Variants in PIK3C2B observed in about 807,000 individuals in gnomAD.
PIK3C2B encodes the protein phosphatidylinositol-4-phosphate 3-kinase catalytic subunit type 2 beta.
A neutral mutation model predicts 184.3 loss-of-function variants in PIK3C2B; 83 were observed. The observed-to-expected ratio is 0.45, with a 90% CI of 0.38 to 0.54. PIK3C2B has a LOEUF of 0.54. Among genes scored for constraint, PIK3C2B ranks in the 20% least tolerant of loss-of-function variants. PIK3C2B has a pLI of 0.00. For missense variants in PIK3C2B, 1,736 were observed against 2,113.5 expected, an observed-to-expected ratio of 0.82 and a Z score of 3.50; for synonymous variants, 779 against 837.6, an observed-to-expected ratio of 0.93 and a Z score of 1.21.
rs757931496 is a variant in PIK3C2B at position 204,431,778 on chromosome 1, C to T, written c.4171G>A (p.Val1391Met). 5.0e-6 allele frequency: 8 copies of T among 1,614,080 alleles called. No individual in the cohort carries two copies. Among genetic ancestry groups the T allele is most frequent in the African/African-American group, 1.3e-5 (1 of 74,916 alleles). Residue 1391 changes from valine (V) to methionine (M), a missense_variant, in exon 28 of 33, where the codon GTG (valine) becomes ATG (methionine). Physicochemically the swap from Val to Met is conservative, Grantham distance 21. Coordinates refer to ENST00000684373, the MANE Select transcript of PIK3C2B (RefSeq NM_001377334.1). ...GCCTCGTGAGTGTTCTCTCGCATCA[C>T]CTTTACCACATATATCTGCAAAGGT... ...PNKGYIYVVK[V>M]MRENTHEATY... is the part of the protein sequence containing the mutation.
At chr1:204,486,473 G>GT (rs1361875676) in intron 1 of PIK3C2B, among the ~76,000 whole-genome samples, 1 of 151,788 alleles carries the variant, frequency 6.6e-6, no homozygotes, top group Non-Finnish European at 1.5e-5. Flanking sequence ...GCTCATGCCT[G>GT]TAATTCCAGC....
intron 30 of PIK3C2B, 151 bp from the exon 31 acceptor site, chr1:204,427,905 A>G: frequency 3.0e-6 from 2 of 658,634 alleles, no homozygotes; most frequent in African/African-American, 1.8e-5. Flanking sequence ...ATTAGAGTTA[A>G]TTGGGTTGGG....
intron 2 of PIK3C2B, among the ~76,000 whole-genome samples, chr1:204,465,710 C>T (rs1245750924): frequency 1.3e-5 from 2 of 152,214 alleles, no homozygotes; most frequent in Non-Finnish European, 2.9e-5. Flanking sequence ...TTTCCCAGCC[C>T]CTCTACTGAG....
At position 204,449,875 on chromosome 1, in the gene PIK3C2B, T is replaced by A. The variant is rs1654200476; in HGVS notation, c.2209A>T (p.Thr737Ser). The A allele has an allele frequency of 1.9e-6, 3 of 1,612,960 alleles. No homozygotes were observed. The East Asian group carries it at 6.7e-5, about 36-fold the overall frequency. Residue 737 changes from threonine (T) to serine (S), a missense_variant, in exon 13 of 33, where the codon ACT (threonine) becomes TCT (serine). Coordinates refer to ENST00000684373, the MANE Select transcript of PIK3C2B (RefSeq NM_001377334.1). ...TGCCTGAAGTTGAAGAGTGGGGTAG[T>A]GACCCAGCCCAGGGCTTCAGGCACC... ...RRVPEALGWV[T>S]TPLFNFRQVL...
At chr1:204,470,546 A>G (rs1656229844) in intron 1 of PIK3C2B, among the ~76,000 whole-genome samples, 1 of 152,216 alleles carries the variant, frequency 6.6e-6, no homozygotes, top group Non-Finnish European at 1.5e-5. Context: ...CAGCTCTCAT[A>G]CACTACTGGT....
Position 204,469,146 on chromosome 1 carries a change from C to T in PIK3C2B, c.657G>A (p.Gln219=), listed in dbSNP as rs925412456. 4.0e-5 allele frequency: 65 copies of T among 1,614,088 alleles called. No homozygotes were observed. Among genetic ancestry groups the T allele is most frequent in the Non-Finnish European group, 5.3e-5 (62 of 1,180,038 alleles). ...EEEEVLGGGG[Q]GRLLGSVDYD... ...AGTCCACAGACCCCAGTAGGCGCCC[C>T]TGACCCCCACCTCCCAGCACCTCTT... Residue 219 remains glutamine (Q), a synonymous_variant, in exon 2 of 33, where the codon CAG becomes CAA. Transcript: ENST00000684373.
At chr1:204,471,769 T>C (rs1656298636) in intron 1 of PIK3C2B, among the ~76,000 whole-genome samples, 1 of 152,272 alleles carries the variant, frequency 6.6e-6, no homozygotes, top group African/African-American at 2.4e-5. Flanking sequence ...TCAATCTGTA[T>C]ATTTTATTAT....
At chr1:204,448,242 T>C (rs1654039865) in intron 14 of PIK3C2B, among the ~76,000 whole-genome samples, 2 of 151,918 alleles carry the variant, frequency 1.3e-5, no homozygotes, top group African/African-American at 4.8e-5. Context: ...GCTTCCTGAG[T>C]ACCTGGGATT....
In PIK3C2B at chr1:204,424,540, A is replaced by G; in HGVS notation, c.*312T>C. On this transcript the variant is annotated 3_prime_UTR_variant, in exon 33 of 33. Coordinates refer to ENST00000684373, the MANE Select transcript of PIK3C2B (RefSeq NM_001377334.1). ...ACCCACCCCCAAAATGCTACTTCAT[A>G]CAGCCCACCCCACACACTCCCCAAA... The G allele has an allele frequency of 2.4e-6, 1 of 408,420 alleles. No homozygotes were observed. The highest frequency in any genetic ancestry group is 4.8e-6 in the Non-Finnish European group (1 of 209,594). The allele number at this position is 408,420 out of a possible 1,614,324, so 25.3% of individuals were successfully genotyped here. A position where few individuals can be genotyped will look rare whatever the true frequency, so the allele number is the denominator to read the frequency against.
At chr1:204,468,072 T>C (rs1655964064) in intron 2 of PIK3C2B, among the ~76,000 whole-genome samples, 1 of 152,170 alleles carries the variant, frequency 6.6e-6, no homozygotes, top group Non-Finnish European at 1.5e-5. Flanking sequence ...AAAATAAAAC[T>C]ATTTGTCATA....
rs1395546394 is a variant in PIK3C2B, at chr1:204,459,934, G to A, written c.1510C>T (p.Leu504=). The A allele has an allele frequency of 1.9e-6, 3 of 1,613,862 alleles. No homozygotes were observed. In the South Asian group the frequency reaches 3.3e-5, roughly 18 times the overall value. The change falls in exon 8 of 33, where the codon CTG becomes TTG. Residue 504 remains leucine (L), a synonymous_variant. Coordinates refer to ENST00000684373, the MANE Select transcript of PIK3C2B (RefSeq NM_001377334.1). ...TGGTAAGTGTCGAACAGAAGACTCA[G>A]GGCCTGCCTGGGAGTTGGGGGCAGG... ...PVKQTISRQA[L]SLLFDTYHNE... is the part of the protein sequence containing the mutation.
Position 204,426,909 on chromosome 1 carries a change from A to T in PIK3C2B, c.4587+739T>A, listed in dbSNP as rs61758017. 0.012 allele frequency among the ~76,000 whole-genome samples: 1,827 copies of T among 152,240 alleles called. 45 individuals are homozygous for T. The East Asian group carries it at 0.12, about 10-fold the overall frequency. On this transcript the variant is annotated intron_variant, in intron 31 of 32. Coordinates refer to ENST00000684373, the MANE Select transcript of PIK3C2B (RefSeq NM_001377334.1). ...CCAGCACTTTGGGAGGCTGAGACAGACGGATCACCTGAAGTCAGGCATTCA... is the reference window on the plus strand; with the variant it reads ...CCAGCACTTTGGGAGGCTGAGACAGTCGGATCACCTGAAGTCAGGCATTCA...
intron 18 of PIK3C2B, 60 bp from the exon 19 acceptor site, chr1:204,443,657 G>T: frequency 1.3e-6 from 2 of 1,503,388 alleles, no homozygotes; most frequent in South Asian, 1.1e-5. Context: ...AAGGGTACAG[G>T]GGGAGACAGA....
Position 204,434,213 on chromosome 1 carries a change from T to C in PIK3C2B, c.3686+226A>G, listed in dbSNP as rs61757993. ...TTTGCTACAGTTTGGTTCATTTCCC[T>C]TTGTTCAGTCCTTGGTAGGGAAGAA... On this transcript the variant is annotated intron_variant, in intron 24 of 32. Coordinates refer to ENST00000684373, the MANE Select transcript of PIK3C2B (RefSeq NM_001377334.1). Among the ~76,000 whole-genome samples, 920 of 152,390 alleles carry C rather than the reference T, an allele frequency of 6.0e-3. 15 individuals are homozygous for C. Among genetic ancestry groups the C allele is most frequent in the African/African-American group, 0.021 (856 of 41,598 alleles).
At chr1:204,429,897 A>T in intron 29 of PIK3C2B, 24 bp downstream of exon 29, 5 of 1,460,840 alleles carry the variant, frequency 3.4e-6, no homozygotes, top group Non-Finnish European at 4.8e-6. Context: ...CTGGACAGCC[A>T]GGAGGAGAGG....
chr1:204,492,179 G>A (rs754058509), intron 1 of PIK3C2B, among the ~76,000 whole-genome samples: 49 of 152,136 alleles, frequency 3.2e-4, no homozygotes, highest in Non-Finnish European at 4.4e-5. Flanking sequence ...GTACTCTGTA[G>A]TTTTCAGGGT....
chr1:204,468,874 G>T lies in PIK3C2B; in HGVS notation c.929C>A (p.Ala310Asp). ...TPGKNRRISAAPVGSRPHTVA... is the reference protein window; with the variant it reads ...TPGKNRRISADPVGSRPHTVA... ...GAAACACAAGAAGGTCCTCACCGGGGCTGCAGAAATCCGGCGGTTCTTGCC... is the reference window on the plus strand; with the variant it reads ...GAAACACAAGAAGGTCCTCACCGGGTCTGCAGAAATCCGGCGGTTCTTGCC... Residue 310 changes from alanine to aspartate, a missense_variant, in exon 2 of 33, where the codon GCC (alanine) becomes GAC (aspartate). Physicochemically the swap from Ala to Asp is moderately radical, Grantham distance 126. Transcript: ENST00000684373. 6.3e-7 allele frequency: 1 copy of T among 1,581,440 alleles called. No homozygotes were observed. The highest frequency in any genetic ancestry group is 8.6e-7 in the Non-Finnish European group (1 of 1,162,844).
intron 28 of PIK3C2B, among the ~76,000 whole-genome samples, chr1:204,430,351 T>TC (rs36072647): frequency 2.5e-5 from 3 of 121,280 alleles, no homozygotes; most frequent in African/African-American, 8.1e-5. Context: ...GTAAAAATCC[T>TC]TTTTTTTTTT....
intron 12 of PIK3C2B, among the ~76,000 whole-genome samples, chr1:204,452,645 C>T (rs57810379): frequency 0.16 from 22,398 of 135,888 alleles, 2,176 homozygotes; most frequent in East Asian, 0.4. Context: ...ATGCACACCC[C>T]ATGTCCTTTT....
Sources: gnomAD v4.1 joint callset for allele counts (sites outside exome capture counted in the v4.1 genomes callset) on GRCh38, gnomAD v4.1.1 for gene constraint, MANE v1.5 for transcripts, NCBI Gene and HGNC (gene_info 2026-07-23, HGNC 2026-07-21) for gene names.